The following FAM149A variants were observed in gnomAD, a reference collection of about 807,000 sequenced individuals.
FAM149A encodes the protein protein FAM149A.
Under a neutral mutation model 78.2 loss-of-function variants are expected in FAM149A, and 71 were observed. The observed-to-expected ratio is 0.91, with a 90% CI of 0.75 to 1.11. FAM149A has a LOEUF of 1.11. FAM149A is among the 50% of genes least tolerant of loss of function. The pLI, the probability that FAM149A is intolerant of heterozygous loss-of-function variation, is 0.00. For missense variants in FAM149A, 1,036 were observed against 971.0 expected (o/e 1.07, Z -0.89); for synonymous variants, 446 against 410.5 (o/e 1.09, Z -1.04).
chr4:186,143,622 C>A (rs1247218836), intron 1 of FAM149A, among the ~76,000 whole-genome samples: 1 of 152,056 alleles, frequency 6.6e-6, no homozygotes, highest in East Asian at 1.9e-4. Context: ...CTCCGCCTCC[C>A]AGGTTGAAGT....
chr4:186,145,261 C>T (rs1258280518), intron 1 of FAM149A: 2 of 609,680 alleles, frequency 3.3e-6, no homozygotes, highest in Non-Finnish European at 4.1e-6. Flanking sequence ...ATGGCTCACG[C>T]GGGGAAGCGT....
Position 186,175,010 on chromosome 4 carries a change from TGTTA to T in FAM149A, c.*3027_*3030del, listed in dbSNP as rs1355971703. ...ATTGAATTACATTAATTAAAATGCC[TGTTA>T]GTTTATCCAAAACCAAAGAAAGAAT... On this transcript the variant is annotated 3_prime_UTR_variant, in exon 14 of 14. Transcript: ENST00000389354. Among the ~76,000 whole-genome samples the T allele has an allele frequency of 3.8e-4, 42 of 111,444 alleles. 12 individuals are homozygous for T. The highest frequency in any genetic ancestry group is 8.3e-4 in the South Asian group (3 of 3,622). 73.1% of individuals were successfully genotyped at this position (111,444 alleles called of 152,430 possible).
chr4:186,154,928 A>G, intron 6 of FAM149A: 1 of 984,400 alleles, frequency 1.0e-6, no homozygotes, highest in Non-Finnish European at 1.2e-6. Context: ...AAAGGGCCTA[A>G]GGGGAGTTCC....
intron 13 of FAM149A, chr4:186,169,680 T>C (rs1428753478): frequency 1.0e-5 from 10 of 985,238 alleles, no homozygotes; most frequent in Non-Finnish European, 1.2e-5. Context: ...TATCACTCAC[T>C]GCTTTCTGGA....
intron 1 of FAM149A, among the ~76,000 whole-genome samples, chr4:186,138,626 G>A (rs138384266): frequency 2.0e-5 from 3 of 152,148 alleles, no homozygotes; most frequent in African/African-American, 7.2e-5. Flanking sequence ...TGATGATCAC[G>A]ACAGTTTAGG....
intron 1 of FAM149A, among the ~76,000 whole-genome samples, chr4:186,136,936 A>ATC (rs142934788): frequency 0.027 from 2,371 of 86,728 alleles, 70 homozygotes; most frequent in Non-Finnish European, 0.04. Context: ...ACACTGATTG[A>ATC]TCTCTCTCTC....
At chr4:186,158,739 A>C in intron 8 of FAM149A, 1 of 1,070,946 alleles carries the variant, frequency 9.3e-7, no homozygotes, top group Non-Finnish European at 1.1e-6. Flanking sequence ...GTGCCTATTC[A>C]GCCGTCCCTA....
At position 186,163,019 on chromosome 4, in the gene FAM149A, G is replaced by A. The variant is rs538796693; in HGVS notation, c.1679+71G>A. 3.6e-4 allele frequency: 323 copies of A among 889,944 alleles called. 2 individuals carry two copies. In the African/African-American group the frequency reaches 4.6e-3, roughly 13 times the overall value. The allele number at this position is 889,944 out of a possible 1,614,324, so 55.1% of individuals were successfully genotyped here. ...TGCAAACACTGGAGCACTGAAGACT[G>A]CAGGGGACATGAGATCACGAAGGTC... On this transcript the variant is annotated intron_variant, in intron 9 of 13. Coordinates refer to ENST00000389354, the MANE Select transcript of FAM149A (RefSeq NM_001367768.3).
At chr4:186,106,752 C>T (rs1579748146) in intron 1 of FAM149A, among the ~76,000 whole-genome samples, 1 of 152,268 alleles carries the variant, frequency 6.6e-6, no homozygotes, top group East Asian at 1.9e-4. Context: ...TCGAGACCAT[C>T]CTGGCTAACA....
At position 186,163,610 on chromosome 4, in the gene FAM149A, C is replaced by A. The variant is rs201628023; in HGVS notation, c.1866C>A (p.Asp622Glu). The A allele has an allele frequency of 1.9e-6, 3 of 1,613,964 alleles. No homozygotes were observed. In the South Asian group the frequency reaches 3.3e-5, roughly 18 times the overall value. Residue 622 changes from aspartate to glutamate, a missense_variant, in exon 10 of 14, where the codon GAC (aspartate) becomes GAA (glutamate). Asp to Glu is a conservative substitution (Grantham distance 45). Around this residue, in one of 3 missense-constraint regions of FAM149A, gnomAD observed 716 missense variants for 711.8 expected, o/e 1.01. Coordinates refer to ENST00000389354, the MANE Select transcript of FAM149A (RefSeq NM_001367768.3). ...TAAAAACTCCCAACATCTATAGTGA[C>A]GAAGTTCTTCGGGGAACAAAACTGT... is the stretch of plus-strand genomic sequence containing the variant.
At chr4:186,163,168 T>A (rs544202501) in intron 9 of FAM149A, among the ~76,000 whole-genome samples, 2 of 152,336 alleles carry the variant, frequency 1.3e-5, no homozygotes, top group South Asian at 4.1e-4. Flanking sequence ...GAAAGGGGAA[T>A]GTAGTCCTGA....
chr4:186,133,114 A>G (rs780494566), intron 1 of FAM149A: 64 of 985,324 alleles, frequency 6.5e-5, no homozygotes, highest in Non-Finnish European at 7.5e-5. Context: ...AAGGTTAGAC[A>G]GGAGTCATGT....
At chr4:186,135,295 T>A (rs565278628) in intron 1 of FAM149A, among the ~76,000 whole-genome samples, 12 of 152,336 alleles carry the variant, frequency 7.9e-5, no homozygotes, top group Admixed American at 6.5e-4. Context: ...CCAATTCTAG[T>A]GTTCTGAAAT....
chr4:186,153,830 T>C, intron 5 of FAM149A, 60 bp downstream of exon 5: 2 of 1,539,342 alleles, frequency 1.3e-6, no homozygotes, highest in South Asian at 1.2e-5. Flanking sequence ...TTATACTTTT[T>C]CATGTTTATC....
chr4:186,147,250 G>A (rs1027128472), intron 1 of FAM149A, among the ~76,000 whole-genome samples: 16 of 152,168 alleles, frequency 1.1e-4, no homozygotes, highest in African/African-American at 3.6e-4. Flanking sequence ...AAGCATGGTG[G>A]TAGACACCTG....
intron 1 of FAM149A, among the ~76,000 whole-genome samples, chr4:186,141,014 T>G (rs1206937702): frequency 1.3e-5 from 2 of 152,158 alleles, no homozygotes; most frequent in African/African-American, 4.8e-5. Flanking sequence ...TGCCAGCATC[T>G]GGTATTTTTA....
At position 186,105,386 on chromosome 4, in the gene FAM149A, G is replaced by C; in HGVS notation, c.310G>C (p.Gly104Arg). The C allele has an allele frequency of 2.5e-6, 3 of 1,183,884 alleles. No individual in the cohort carries two copies. Among genetic ancestry groups the C allele is most frequent in the Non-Finnish European group, 3.2e-6 (3 of 945,040 alleles). The allele number at this position is 1,183,884 out of a possible 1,614,324, so 73.3% of individuals were successfully genotyped here. ...CTCTTGGCCCAGTAGCCCTAGAGCG[G>C]GTAAAGCCCCGCCCCAGCCCCCCAC... Residue 104 changes from glycine (G) to arginine (R), a missense_variant, in exon 1 of 14, where the codon GGT becomes CGT. This residue lies in a region of FAM149A where 316 missense variants were observed against 241.9 expected (regional missense o/e 1.31). Transcript: ENST00000389354.
chr4:186,161,498 G>A lies in FAM149A; in HGVS notation c.1576-1347G>A, dbSNP rs1734603410. On this transcript the variant is annotated intron_variant, in intron 8 of 13. Transcript: ENST00000389354. ...GCTACCTGCTTATTGTATTTTTTTG[G>A]TCTCTTTAAACTGCTCTGACAAGTT... Among the ~76,000 whole-genome samples, 3 of 151,778 alleles carry A rather than the reference G, an allele frequency of 2.0e-5. No individual in the cohort carries two copies. The South Asian group carries it at 6.2e-4, about 32-fold the overall frequency.
At chr4:186,156,664 G>C (rs752776207) in intron 7 of FAM149A, among the ~76,000 whole-genome samples, 1 of 151,922 alleles carries the variant, frequency 6.6e-6, no homozygotes, top group Non-Finnish European at 1.5e-5. Flanking sequence ...TAGGCAACAA[G>C]AGTAAAACTC....
Sources: gnomAD v4.1 joint callset for allele counts (sites outside exome capture counted in the v4.1 genomes callset) on GRCh38, gnomAD v4.1.1 for gene constraint, gnomAD v4.1.1 regional missense constraint, MANE v1.5 for transcripts, NCBI Gene and HGNC (gene_info 2026-07-23, HGNC 2026-07-21) for gene names.